Variants in TTC3 observed in about 807,000 individuals in gnomAD.
The protein encoded by TTC3 is tetratricopeptide repeat domain 3.
In TTC3, 180 loss-of-function variants were observed where a neutral mutation model predicts 249.6. The observed-to-expected ratio is 0.72, with a 90% confidence interval of 0.64 to 0.82. The LOEUF (loss-of-function observed/expected upper bound fraction) is 0.82, where lower values mean the gene tolerates loss of function less well. Among genes scored for constraint, TTC3 ranks in the 40% least tolerant of loss-of-function variants. TTC3 has a pLI of 0.00. For synonymous variants in TTC3, 717 were observed against 805.0 expected, an observed-to-expected ratio of 0.89 and a Z score of 1.85; for missense variants, 2,061 against 2,398.4, an observed-to-expected ratio of 0.86 and a Z score of 2.94.
At chr21:37,139,987 A>G (rs1279439997) in intron 19 of TTC3, among the ~76,000 whole-genome samples, 2 of 152,146 alleles carry the variant, frequency 1.3e-5, no homozygotes, top group Non-Finnish European at 2.9e-5. Context: ...AGAACTATGT[A>G]TCTTTTGGAT....
chr21:37,150,273 C>T (rs543502640), intron 24 of TTC3, 103 bp downstream of exon 24: 2 of 830,772 alleles, frequency 2.4e-6, no homozygotes, highest in South Asian at 3.2e-5. Context: ...GGATCTTTTC[C>T]AGGAAAGAAA....
chr21:37,161,515 G>T lies in TTC3; in HGVS notation c.3097-475G>T, dbSNP rs189957615. Among the ~76,000 whole-genome samples, 14 of 152,034 alleles carry T rather than the reference G, an allele frequency of 9.2e-5. No homozygotes were observed. In the East Asian group the frequency reaches 2.3e-3, roughly 25 times the overall value. On this transcript the variant is annotated intron_variant, in intron 30 of 45. Transcript: ENST00000355666. ...TGTTCTAGAACTCCTGCGTTCAAGC[G>T]ATCTGCCTACTTTGGCCTTACAGGC...
At chr21:37,140,171 T>C (rs916015917) in intron 19 of TTC3, among the ~76,000 whole-genome samples, 2 of 152,178 alleles carry the variant, frequency 1.3e-5, no homozygotes, top group Non-Finnish European at 2.9e-5. Context: ...ATGGCATTCC[T>C]TCCAAGGGAT....
At chr21:37,155,292 G>GT (rs11370365) in intron 27 of TTC3, among the ~76,000 whole-genome samples, 1 of 152,020 alleles carries the variant, frequency 6.6e-6, no homozygotes, top group Non-Finnish European at 1.5e-5. Flanking sequence ...AGGGAGGAAA[G>GT]GAGGAAAGGA....
At chr21:37,185,843 G>T in intron 37 of TTC3, 69 bp downstream of exon 37, 1 of 853,632 alleles carries the variant, frequency 1.2e-6, no homozygotes, top group South Asian at 2.9e-5. Flanking sequence ...AAGCACAGTA[G>T]ACTTTGAAAT....
chr21:37,075,845 T>C (rs1478120417), intron 1 of TTC3, among the ~76,000 whole-genome samples: 1 of 152,234 alleles, frequency 6.6e-6, no homozygotes, highest in Non-Finnish European at 1.5e-5. Context: ...TGTACCTCTT[T>C]AGTGGCAGGT....
chr21:37,073,401 TG>T lies in TTC3; in HGVS notation c.-12+38del. 1.0e-6 allele frequency: 1 copy of T among 986,354 alleles called. No homozygotes were observed. Among genetic ancestry groups the T allele is most frequent in the Middle Eastern group, 5.2e-4 (1 of 1,916 alleles). The allele number at this position is 986,354 out of a possible 1,614,324, so 61.1% of individuals were successfully genotyped here. ...CCCGGCGCGCTGCCGGGCTCCCGGA[TG>T]TGTCACCTTGTCCCGCTGCAGCCGA... On this transcript the variant is annotated intron_variant, in intron 1 of 45. The change abolishes an upstream ATG in the 5' untranslated region. Coordinates refer to ENST00000355666, the Ensembl canonical transcript of TTC3.
In TTC3 at chr21:37,148,575, C is replaced by G; in HGVS notation, c.2046C>G (p.Tyr682Ter). 1 of 1,598,898 alleles carries G rather than the reference C, an allele frequency of 6.3e-7. No individual in the cohort carries two copies. Among genetic ancestry groups the G allele is most frequent in the Non-Finnish European group, 8.5e-7 (1 of 1,175,174 alleles). ...TTATACGCATCAGCTGTTGCCAGTA[C>G]TGTAAAATAGAATTTCACATGAATT... Residue 682 changes from tyrosine to a stop codon, truncating the protein, a stop_gained, in exon 23 of 46, where the codon TAC becomes TAG. Transcript: ENST00000355666. LOFTEE classifies it high-confidence loss of function.
intron 11 of TTC3, among the ~76,000 whole-genome samples, chr21:37,114,229 A>G (rs1882509623): frequency 6.6e-6 from 1 of 152,106 alleles, no homozygotes; most frequent in Non-Finnish European, 1.5e-5. Context: ...AGCAAAAGAA[A>G]CTACCATCAG....
At chr21:37,097,925 C>T (rs748077449) in intron 10 of TTC3, 2 of 712,544 alleles carry the variant, frequency 2.8e-6, no homozygotes, top group Non-Finnish European at 5.2e-6. Flanking sequence ...AACACATTCT[C>T]ATGGTAGAAA....
intron 30 of TTC3, among the ~76,000 whole-genome samples, chr21:37,161,088 C>T (rs2298685): frequency 0.53 from 80,482 of 150,592 alleles, 22,101 homozygotes; most frequent in African/African-American, 0.64. Context: ...TTTTATTTTT[C>T]TAGGTATTTC....
intron 35 of TTC3, among the ~76,000 whole-genome samples, chr21:37,181,257 T>C (rs974694906): frequency 2.6e-5 from 4 of 152,232 alleles, no homozygotes; most frequent in African/African-American, 9.6e-5. Context: ...TTGAACTCCC[T>C]TAGGTACTTG....
In TTC3 at chr21:37,129,962, C is replaced by A. The variant is rs370817150; in HGVS notation, c.1358+899C>A. 1.1e-3 allele frequency among the ~76,000 whole-genome samples: 166 copies of A among 152,254 alleles called. 1 individual carries two copies. The highest frequency in any genetic ancestry group is 3.6e-3 in the African/African-American group (150 of 41,548). On this transcript the variant is annotated intron_variant, in intron 16 of 45. Transcript: ENST00000355666. ...TTGCCTCCTGTCTTTATTGTTAACA[C>A]CCCATTGACAACAAGATATAAATTG...
At chr21:37,190,057 A>G (rs1345324648) in intron 39 of TTC3, among the ~76,000 whole-genome samples, 1 of 149,694 alleles carries the variant, frequency 6.7e-6, no homozygotes, top group South Asian at 2.1e-4. Flanking sequence ...TTTGATTCAA[A>G]TTTCAAACCC....
At chr21:37,126,250 TTTAC>T in intron 15 of TTC3, 107 bp downstream of exon 15, 1 of 849,184 alleles carries the variant, frequency 1.2e-6, no homozygotes, top group African/African-American at 1.7e-5. Context: ...CTTGTTCTCC[TTTAC>T]TTTATAATGC....
intron 31 of TTC3, among the ~76,000 whole-genome samples, chr21:37,162,967 T>C (rs2080907559): frequency 6.6e-6 from 1 of 152,172 alleles, no homozygotes; most frequent in African/African-American, 2.4e-5. Context: ...AGTCCATTCA[T>C]GGGGGTAGAG....
intron 1 of TTC3, among the ~76,000 whole-genome samples, chr21:37,074,245 G>A (rs1345835099): frequency 6.6e-6 from 1 of 152,228 alleles, no homozygotes; most frequent in Admixed American, 6.5e-5. Context: ...GAAGGGGGGT[G>A]GACAGGATCG....
intron 23 of TTC3, among the ~76,000 whole-genome samples, chr21:37,149,816 G>C (rs1167586880): frequency 2.0e-5 from 3 of 152,184 alleles, no homozygotes; most frequent in Non-Finnish European, 4.4e-5. Flanking sequence ...TAAACCTTTT[G>C]TCTAGACATG....
At chr21:37,087,361 A>G (rs774456054) in exon 2 of TTC3, 3 of 1,613,976 alleles carry the variant, frequency 1.9e-6, no homozygotes, top group Non-Finnish European at 2.5e-6. Context: ...TTTATGAGCA[A>G]TGATTATGTT....
Sources: gnomAD v4.1 joint callset for allele counts (sites outside exome capture counted in the v4.1 genomes callset) on GRCh38, gnomAD v4.1.1 for gene constraint, MANE v1.5 for transcripts, NCBI Gene and HGNC (gene_info 2026-07-23, HGNC 2026-07-21) for gene names.